CACNA1E: variants seen among roughly 807,000 people sequenced by gnomAD.
The protein encoded by CACNA1E is voltage-dependent R-type calcium channel subunit alpha-1E.
CACNA1E carries 40 observed loss-of-function variants against 259.2 expected under a neutral mutation model. That is an observed-to-expected ratio of 0.15 (90% CI 0.12 to 0.20). The LOEUF (loss-of-function observed/expected upper bound fraction) is 0.20. Ranked by LOEUF, CACNA1E falls within the 10% of genes least tolerant of loss-of-function variation. CACNA1E has a pLI of 1.00. For missense variants in CACNA1E, 1,874 were observed against 3,040.1 expected (o/e 0.62, Z 9.02); for synonymous variants, 1,104 against 1,138.5 (o/e 0.97, Z 0.61).
At chr1:181,483,507 T>C (rs111830180), upstream of CACNA1E, 2,246 of 344,416 alleles carry the variant, frequency 6.5e-3, 53 homozygotes, top group African/African-American at 0.044. Context: ...TTTTCTTTTT[T>C]TTTTTTTTCC....
chr1:181,738,474 C>T, intron 24 of CACNA1E, 48 bp downstream of exon 24: 1 of 1,416,110 alleles, frequency 7.1e-7, no homozygotes, highest in African/African-American at 1.4e-5. Flanking sequence ...AGATGGGTCA[C>T]CTGTCTGCTC....
intron 3 of CACNA1E, among the ~76,000 whole-genome samples, chr1:181,568,290 G>A (rs941613935): frequency 6.6e-6 from 1 of 152,160 alleles, no homozygotes; most frequent in Non-Finnish European, 1.5e-5. Context: ...AAGGCAGCCA[G>A]CACAGCCGCC....
At chr1:181,403,431 C>G (rs1036569206) in intron 1 of CACNA1E, among the ~76,000 whole-genome samples, 1 of 151,826 alleles carries the variant, frequency 6.6e-6, no homozygotes, top group Non-Finnish European at 1.5e-5. Context: ...CTGTTCACTT[C>G]CCCACCTCAA....
Position 181,556,626 on chromosome 1 carries a change from C to T in CACNA1E, c.513-21140C>T, listed in dbSNP as rs1387596152. On this transcript the variant is annotated intron_variant, in intron 3 of 47. Transcript: ENST00000367573. ...GACCTTCTCCCCTAAAGAGGGGTCA[C>T]TTTGTATTGAGGATCTCCTTCTTAT... Among the ~76,000 whole-genome samples, 6 of 152,260 alleles carry T rather than the reference C, an allele frequency of 3.9e-5. No individual in the cohort carries two copies. The South Asian group carries it at 1.0e-3, about 26-fold the overall frequency.
chr1:181,338,761 A>G (rs1651918043), intron 1 of CACNA1E, among the ~76,000 whole-genome samples: 1 of 151,572 alleles, frequency 6.6e-6, no homozygotes, highest in African/African-American at 2.4e-5. Context: ...CTTTTCCCTT[A>G]TTTCTTTTTT....
intron 2 of CACNA1E, among the ~76,000 whole-genome samples, chr1:181,456,131 T>A (rs535207963): frequency 1.3e-4 from 20 of 152,224 alleles, no homozygotes; most frequent in Admixed American, 1.1e-3. Context: ...CAGGTCCATT[T>A]GGAGTCATGG....
intron 3 of CACNA1E, among the ~76,000 whole-genome samples, chr1:181,524,443 C>T (rs1347321272): frequency 2.0e-5 from 3 of 152,156 alleles, no homozygotes; most frequent in Non-Finnish European, 2.9e-5. Context: ...TCTAAAATAC[C>T]TCTCTTGCAA....
At chr1:181,528,363 C>T (rs1430599123) in intron 3 of CACNA1E, among the ~76,000 whole-genome samples, 3 of 152,168 alleles carry the variant, frequency 2.0e-5, no homozygotes, top group African/African-American at 4.8e-5. Context: ...CTCATTAAAC[C>T]TCTTTTTGTT....
chr1:181,709,470 C>T (rs1042451818), intron 7 of CACNA1E, among the ~76,000 whole-genome samples: 11 of 152,222 alleles, frequency 7.2e-5, no homozygotes, highest in Admixed American at 2.0e-4. Flanking sequence ...AGGTGTGACA[C>T]GAACAGGTGT....
At chr1:181,597,267 T>G (rs1479483552) in intron 6 of CACNA1E, among the ~76,000 whole-genome samples, 1 of 152,164 alleles carries the variant, frequency 6.6e-6, no homozygotes, top group Non-Finnish European at 1.5e-5. Flanking sequence ...GTCAGTTCTG[T>G]AGTGAGCAGA....
At chr1:181,449,896 T>C (rs1241817458) in intron 2 of CACNA1E, among the ~76,000 whole-genome samples, 2 of 152,142 alleles carry the variant, frequency 1.3e-5, no homozygotes, top group Non-Finnish European at 2.9e-5. Context: ...TATAAGGTAT[T>C]ATAGGGGCAC....
Position 181,790,281 on chromosome 1 carries a change from C to G in CACNA1E, c.5787-164C>G, listed in dbSNP as rs593875. 0.072 allele frequency among the ~76,000 whole-genome samples: 10,287 copies of G among 143,040 alleles called. 482 individuals carry two copies. Among genetic ancestry groups the G allele is most frequent in the South Asian group, 0.2 (897 of 4,400 alleles). The allele number at this position is 143,040 out of a possible 152,430, so 93.8% of individuals were successfully genotyped here. On this transcript the variant is annotated intron_variant, in intron 43 of 47. Coordinates refer to ENST00000367573, the MANE Select transcript of CACNA1E (RefSeq NM_001205293.3). ...AGGTTGAAAACATCAGTTTCTGTCTCTTCTAGTGCTTTTTTTTTTTTTTTT... is the reference window on the plus strand; with the variant it reads ...AGGTTGAAAACATCAGTTTCTGTCTGTTCTAGTGCTTTTTTTTTTTTTTTT...
Position 181,794,951 on chromosome 1 carries a change from A to G in CACNA1E, c.6115A>G (p.Met2039Val). The change falls in exon 46 of 48, where the codon ATG (methionine) becomes GTG (valine). Residue 2039 changes from methionine (M) to valine (V), a missense_variant. Physicochemically the swap from Met to Val is conservative, Grantham distance 21. Coordinates refer to ENST00000367573, the MANE Select transcript of CACNA1E (RefSeq NM_001205293.3). The stretch of plus-strand genomic sequence containing the variant: ...TTCCTCGTGGTTGGAGGAATTCTCC[A>G]TGGAGCGAAGCAGTGAAAATACCTA... ...SNSSWLEEFSMERSSENTYKS... is the reference protein window; with the variant it reads ...SNSSWLEEFSVERSSENTYKS... The G allele has an allele frequency of 3.1e-6, 5 of 1,613,944 alleles. No homozygotes were observed. Among genetic ancestry groups the G allele is most frequent in the Non-Finnish European group, 4.2e-6 (5 of 1,179,842 alleles).
At chr1:181,495,974 G>C (rs780218217) in intron 1 of CACNA1E, among the ~76,000 whole-genome samples, 4 of 152,154 alleles carry the variant, frequency 2.6e-5, no homozygotes, top group Admixed American at 6.5e-5. Context: ...ATAGTTAGAA[G>C]GATTAAGGTG....
rs186480348 is a variant in CACNA1E, at chr1:181,366,498, C to T, written c.-14-46635C>T. ...TTTCCTCTGCTTTTCTCATTTATCC[C>T]TCTTTTTTTGCAACTTGAGAAGTAA... On this transcript the variant is annotated intron_variant, in intron 1 of 11. Transcript: ENST00000524607. 7.2e-4 allele frequency among the ~76,000 whole-genome samples: 110 copies of T among 152,254 alleles called. 1 individual carries two copies. The highest frequency in any genetic ancestry group is 2.8e-3 in the Admixed American group (43 of 15,276).
chr1:181,671,986 A>G (rs575584828), intron 7 of CACNA1E, among the ~76,000 whole-genome samples: 1 of 152,262 alleles, frequency 6.6e-6, no homozygotes, highest in Admixed American at 6.5e-5. Flanking sequence ...GAATCAACTT[A>G]AATGCTCATC....
At chr1:181,372,999 G>T (rs1246225604) in intron 1 of CACNA1E, among the ~76,000 whole-genome samples, 1 of 151,960 alleles carries the variant, frequency 6.6e-6, no homozygotes, top group Non-Finnish European at 1.5e-5. Flanking sequence ...ACTTGATCAT[G>T]GTGAATTATC....
At chr1:181,660,680 T>C (rs1370046491) in intron 7 of CACNA1E, among the ~76,000 whole-genome samples, 1 of 152,152 alleles carries the variant, frequency 6.6e-6, no homozygotes, top group Non-Finnish European at 1.5e-5. Context: ...TGGCTGCTGG[T>C]CTTAAGAAGG....
At chr1:181,444,163 A>G (rs1008415145) in intron 2 of CACNA1E, among the ~76,000 whole-genome samples, 2 of 152,092 alleles carry the variant, frequency 1.3e-5, no homozygotes, top group South Asian at 2.1e-4. Context: ...CTCCCGCAGC[A>G]TAGGCAGGGT....
Sources: allele counts gnomAD v4.1 joint callset (sites outside exome capture counted in the v4.1 genomes callset), GRCh38; gene constraint gnomAD v4.1.1; transcripts MANE v1.5; gene names NCBI Gene and HGNC (gene_info 2026-07-23, HGNC 2026-07-21).